Variants in DCDC2C observed in about 807,000 individuals in gnomAD.
The protein encoded by DCDC2C is doublecortin domain-containing protein 2C.
In DCDC2C, 44 loss-of-function variants were observed where a neutral mutation model predicts 45.0. The ratio of observed to expected loss-of-function variants is 0.98; its 90% CI spans 0.77 to 1.26. The LOEUF (loss-of-function observed/expected upper bound fraction) is 1.26. DCDC2C is among the 50% of genes most tolerant of loss of function. The pLI, the probability that DCDC2C is intolerant of heterozygous loss-of-function variation, is 0.00. For missense variants in DCDC2C, 447 were observed against 468.9 expected, an observed-to-expected ratio of 0.95 and a Z score of 0.43; for synonymous variants, 187 against 178.8, an observed-to-expected ratio of 1.05 and a Z score of -0.37.
chr2:3,752,617 C>A, intron 4 of DCDC2C, 146 bp from the exon 5 acceptor site: 1 of 954,284 alleles, frequency 1.0e-6, no homozygotes, highest in Non-Finnish European at 1.6e-6. Context: ...GTTTAATTGG[C>A]CCGTTTGGAT....
chr2:3,847,871 C>G lies in DCDC2C; in HGVS notation c.*688C>G, dbSNP rs1672373123. Reference sequence around the variant, plus strand: ...TTCCCCCTTCACTCTCTCTCTCCTGCTCTGCCATGTGAAAAAGATTCTTGC... The same window carrying G: ...TTCCCCCTTCACTCTCTCTCTCCTGGTCTGCCATGTGAAAAAGATTCTTGC... On this transcript the variant is annotated 3_prime_UTR_variant, in exon 11 of 11. Coordinates refer to ENST00000399143, the MANE Select transcript of DCDC2C (RefSeq NM_001287444.2). Among the ~76,000 whole-genome samples the G allele has an allele frequency of 6.6e-6, 1 of 152,144 alleles. No individual in the cohort carries two copies. The highest frequency in any genetic ancestry group is 6.5e-5 in the Admixed American group (1 of 15,278).
At chr2:3,804,047 A>G (rs1450468081) in intron 10 of DCDC2C, among the ~76,000 whole-genome samples, 2 of 152,218 alleles carry the variant, frequency 1.3e-5, no homozygotes, top group African/African-American at 4.8e-5. Flanking sequence ...GTCTGTATTA[A>G]CATAATTGGA....
At chr2:3,821,894 T>A (rs1028869521) in intron 10 of DCDC2C, among the ~76,000 whole-genome samples, 25 of 152,244 alleles carry the variant, frequency 1.6e-4, no homozygotes, top group African/African-American at 5.8e-4. Flanking sequence ...AAATGCTTTA[T>A]ATTATGTTCA....
At chr2:3,800,179 T>C (rs1671079561) in intron 10 of DCDC2C, among the ~76,000 whole-genome samples, 1 of 152,236 alleles carries the variant, frequency 6.6e-6, no homozygotes, top group African/African-American at 2.4e-5. Flanking sequence ...GGGAACTCCC[T>C]GACCCCTTGC....
chr2:3,837,896 C>A (rs560917487), intron 10 of DCDC2C, among the ~76,000 whole-genome samples: 2 of 152,028 alleles, frequency 1.3e-5, no homozygotes, highest in Non-Finnish European at 2.9e-5. Flanking sequence ...ACACATATCC[C>A]GGGAGGTGAG....
rs546613527 is a variant in DCDC2C at position 3,779,601 on chromosome 2, A to G, written c.1023+717A>G. Among the ~76,000 whole-genome samples the G allele has an allele frequency of 5.9e-5, 9 of 152,218 alleles. 1 individual carries two copies. In the South Asian group the frequency reaches 1.5e-3, roughly 25 times the overall value. ...GTCTGTGGATCTTTATTTTTGTTTCAAGGTAGTCTCTTGTTTTTAAAAGTT... is the reference window on the plus strand; with the variant it reads ...GTCTGTGGATCTTTATTTTTGTTTCGAGGTAGTCTCTTGTTTTTAAAAGTT... On this transcript the variant is annotated intron_variant, in intron 9 of 10. Transcript: ENST00000399143.
intron 2 of DCDC2C, among the ~76,000 whole-genome samples, chr2:3,719,978 C>T (rs1232336257): frequency 1.3e-5 from 2 of 152,194 alleles, no homozygotes; most frequent in African/African-American, 4.8e-5. Flanking sequence ...GACGACCCAG[C>T]CCGTGTGCCA....
intron 6 of DCDC2C, among the ~76,000 whole-genome samples, chr2:3,759,491 A>G (rs1370059563): frequency 1.3e-5 from 2 of 152,164 alleles, no homozygotes; most frequent in Non-Finnish European, 2.9e-5. Flanking sequence ...TGAGATGGAG[A>G]ATAACAGAGA....
chr2:3,838,521 G>A (rs553793655), intron 10 of DCDC2C, among the ~76,000 whole-genome samples: 1 of 152,024 alleles, frequency 6.6e-6, no homozygotes, highest in Non-Finnish European at 1.5e-5. Flanking sequence ...AGAGTAGGAG[G>A]TGTGGCCTGA....
At chr2:3,745,606 T>G (rs1669337167) in intron 4 of DCDC2C, among the ~76,000 whole-genome samples, 1 of 152,254 alleles carries the variant, frequency 6.6e-6, no homozygotes, top group Admixed American at 6.5e-5. Context: ...AGCTACTGTT[T>G]CTCATGCATT....
chr2:3,760,952 G>T (rs1185700997), intron 6 of DCDC2C, among the ~76,000 whole-genome samples: 1 of 152,082 alleles, frequency 6.6e-6, no homozygotes, highest in Non-Finnish European at 1.5e-5. Flanking sequence ...TTATTCTATT[G>T]GTTCACTTCA....
At chr2:3,753,018 ATAT>A (rs2148126509) in intron 5 of DCDC2C, 118 bp downstream of exon 5, 3 of 1,161,704 alleles carry the variant, frequency 2.6e-6, no homozygotes, top group Non-Finnish European at 3.6e-6. Flanking sequence ...GTGAAATGTA[ATAT>A]TCTTATTTAA....
At chr2:3,726,159 A>C (rs1668678644) in intron 2 of DCDC2C, 1 of 152,562 alleles carries the variant, frequency 6.6e-6, no homozygotes, top group Non-Finnish European at 1.5e-5. Context: ...CAAGCTTCTT[A>C]TCCTGGTGGG....
intron 8 of DCDC2C, among the ~76,000 whole-genome samples, chr2:3,774,148 T>G (rs993933891): frequency 1.3e-5 from 2 of 152,228 alleles, no homozygotes; most frequent in African/African-American, 4.8e-5. Context: ...ATTGTTTAAT[T>G]GGAAAAAACC....
At chr2:3,753,742 G>A (rs1669609610) in intron 5 of DCDC2C, among the ~76,000 whole-genome samples, 1 of 152,158 alleles carries the variant, frequency 6.6e-6, no homozygotes, top group Non-Finnish European at 1.5e-5. Flanking sequence ...AACCTCCACT[G>A]AGGGCGCAGC....
At chr2:3,741,899 C>T in intron 3 of DCDC2C, 21 bp from the exon 4 acceptor site, 2 of 1,536,092 alleles carry the variant, frequency 1.3e-6, no homozygotes, top group Non-Finnish European at 1.8e-6. Context: ...TTAATGGATG[C>T]TTTTCTTTTT....
chr2:3,733,865 G>A (rs1668944725), intron 3 of DCDC2C, among the ~76,000 whole-genome samples: 1 of 152,192 alleles, frequency 6.6e-6, no homozygotes, highest in African/African-American at 2.4e-5. Flanking sequence ...CATCCCACCA[G>A]GGGTCTGGGA....
intron 10 of DCDC2C, among the ~76,000 whole-genome samples, chr2:3,826,926 G>T (rs1671833856): frequency 6.9e-6 from 1 of 144,640 alleles, no homozygotes; most frequent in Non-Finnish European, 1.5e-5. Context: ...TCCCTCCCCT[G>T]CCTCCCTCCC....
At chr2:3,782,091 A>T (rs2148177182) in intron 9 of DCDC2C, among the ~76,000 whole-genome samples, 1 of 152,254 alleles carries the variant, frequency 6.6e-6, no homozygotes, top group African/African-American at 2.4e-5. Context: ...CCTCACACCG[A>T]AACTCTGTGC....
Sources: gnomAD v4.1 joint callset for allele counts (sites outside exome capture counted in the v4.1 genomes callset) on GRCh38, gnomAD v4.1.1 for gene constraint, MANE v1.5 for transcripts, NCBI Gene and HGNC (gene_info 2026-07-23, HGNC 2026-07-21) for gene names.